NGEF: variants seen among roughly 807,000 people sequenced by gnomAD.
The protein encoded by NGEF is neuronal guanine nucleotide exchange factor, also known as ephexin-1.
NGEF carries 31 observed loss-of-function variants against 80.9 expected under a neutral mutation model. The observed-to-expected ratio is 0.38, with a 90% confidence interval of 0.29 to 0.52. NGEF has a LOEUF of 0.52. Among genes scored for constraint, NGEF ranks in the 20% least tolerant of loss-of-function variants. The pLI is 0.84. For synonymous variants in NGEF, 371 were observed against 370.2 expected, an observed-to-expected ratio of 1.00 and a Z score of -0.03; for missense variants, 709 against 926.2, an observed-to-expected ratio of 0.77 and a Z score of 3.04.
At chr2:232,960,841 G>A (rs890878256) in intron 3 of NGEF, among the ~76,000 whole-genome samples, 1 of 152,198 alleles carries the variant, frequency 6.6e-6, no homozygotes, top group African/African-American at 2.4e-5. Flanking sequence ...TCGCGCCACT[G>A]CACTCCAGCC....
intron 3 of NGEF, among the ~76,000 whole-genome samples, chr2:232,947,969 A>T (rs964023626): frequency 5.3e-5 from 8 of 152,224 alleles, no homozygotes; most frequent in Admixed American, 1.3e-4. Flanking sequence ...TATAGGGTAC[A>T]TGTGATATTT....
chr2:232,979,669 G>A (rs960064515), intron 1 of NGEF, among the ~76,000 whole-genome samples: 1 of 152,088 alleles, frequency 6.6e-6, no homozygotes, highest in African/African-American at 2.4e-5. Context: ...GGAGGGTGCA[G>A]CTCATGGTGC....
intron 1 of NGEF, among the ~76,000 whole-genome samples, chr2:232,992,644 C>T (rs1694673533): frequency 6.6e-6 from 1 of 151,860 alleles, no homozygotes; most frequent in Non-Finnish European, 1.5e-5. Context: ...GAATCTTGTA[C>T]CTAGAGTATA....
At chr2:232,890,707 C>G (rs1287786835) in intron 8 of NGEF, among the ~76,000 whole-genome samples, 1 of 152,162 alleles carries the variant, frequency 6.6e-6, no homozygotes, top group Non-Finnish European at 1.5e-5. Flanking sequence ...CTGCCGGGCC[C>G]CCACTCCCCG....
rs1450060630 is a variant in NGEF at position 232,883,478 on chromosome 2, G to A, written c.1602-12C>T. ...CCTGGTACTTGTCTCTGGAGATCAG[G>A]GAGAAGGGCAGGCGTGTCAGCCCCG... On this transcript the variant is annotated splice_polypyrimidine_tract_variant and intron_variant, in intron 11 of 14. Transcript: ENST00000264051. The A allele has an allele frequency of 6.3e-7, 1 of 1,578,586 alleles. No homozygotes were observed. Among genetic ancestry groups the A allele is most frequent in the Non-Finnish European group, 8.6e-7 (1 of 1,161,674 alleles).
chr2:232,985,436 G>A (rs1289107691), intron 1 of NGEF, among the ~76,000 whole-genome samples: 3 of 152,068 alleles, frequency 2.0e-5, no homozygotes, highest in African/African-American at 4.8e-5. Flanking sequence ...GGCCAAAAAG[G>A]CAAAACCCCA....
chr2:233,007,993 G>T (rs1460921069), intron 1 of NGEF, among the ~76,000 whole-genome samples: 1 of 152,180 alleles, frequency 6.6e-6, no homozygotes, highest in East Asian at 1.9e-4. Flanking sequence ...CAACGCTCAA[G>T]AATCCACCAA....
chr2:232,968,433 T>C (rs12473330), intron 3 of NGEF, among the ~76,000 whole-genome samples: 67,248 of 150,732 alleles, frequency 0.45, 15,446 homozygotes, highest in East Asian at 0.74. Context: ...TGAGACGGAG[T>C]CTCGCTCTGT....
intron 1 of NGEF, among the ~76,000 whole-genome samples, chr2:232,984,156 C>T (rs990660513): frequency 1.3e-5 from 2 of 152,224 alleles, no homozygotes; most frequent in African/African-American, 2.4e-5. Flanking sequence ...TCCATCATTG[C>T]TCACTGCAGC....
chr2:232,997,439 A>G (rs1694877089), intron 1 of NGEF, among the ~76,000 whole-genome samples: 2 of 152,082 alleles, frequency 1.3e-5, no homozygotes, highest in Admixed American at 1.3e-4. Context: ...CTCTGCAGTG[A>G]AACTGTCAAA....
At chr2:233,007,013 G>A (rs1448175057) in intron 1 of NGEF, among the ~76,000 whole-genome samples, 1 of 152,182 alleles carries the variant, frequency 6.6e-6, no homozygotes, top group African/African-American at 2.4e-5. Flanking sequence ...GGGGCCTGAG[G>A]CGGGCTGATC....
chr2:232,923,311 C>G (rs1257820088), intron 4 of NGEF, among the ~76,000 whole-genome samples: 1 of 152,102 alleles, frequency 6.6e-6, no homozygotes, highest in African/African-American at 2.4e-5. Context: ...TGAAGTCACC[C>G]CATGGCAGAC....
At chr2:232,977,339 A>G (rs6718592) in intron 1 of NGEF, among the ~76,000 whole-genome samples, 89,030 of 151,898 alleles carry the variant, frequency 0.59, 27,309 homozygotes, top group African/African-American at 0.73. Flanking sequence ...TGAGACCCAG[A>G]GACAATGATG....
Position 232,993,121 on chromosome 2 carries a change from AT to A in NGEF, c.-74-18158del, listed in dbSNP as rs1232323945. 1.0e-3 allele frequency among the ~76,000 whole-genome samples: 47 copies of A among 46,680 alleles called. 2 individuals carry two copies. Among genetic ancestry groups the A allele is most frequent in the Non-Finnish European group, 1.1e-4 (3 of 26,356 alleles). 30.6% of individuals were successfully genotyped at this position (46,680 alleles called of 152,430 possible). On this transcript the variant is annotated intron_variant, in intron 1 of 14. Coordinates refer to ENST00000264051, the MANE Select transcript of NGEF (RefSeq NM_019850.3). ...TAAATAAATAAATATATATATATAA[AT>A]AAATATATATTTATTTATATATATA...
intron 12 of NGEF, 93 bp downstream of exon 12, chr2:232,883,218 G>A: frequency 7.0e-7 from 1 of 1,433,578 alleles, no homozygotes; most frequent in Non-Finnish European, 9.4e-7. Context: ...CGTGTGTGGT[G>A]CCTTGTTCCA....
At chr2:232,905,001 G>A (rs1692458602) in intron 5 of NGEF, among the ~76,000 whole-genome samples, 1 of 152,086 alleles carries the variant, frequency 6.6e-6, no homozygotes, top group South Asian at 2.1e-4. Context: ...GTCCTATGCA[G>A]GAACTCTTTC....
chr2:232,930,482 G>A (rs1308599301), intron 3 of NGEF, among the ~76,000 whole-genome samples: 1 of 152,070 alleles, frequency 6.6e-6, no homozygotes, highest in African/African-American at 2.4e-5. Flanking sequence ...ACCACGCCTG[G>A]CTAATTTTTG....
intron 5 of NGEF, among the ~76,000 whole-genome samples, chr2:232,909,402 A>G (rs912837376): frequency 6.7e-6 from 1 of 149,238 alleles, no homozygotes; most frequent in Non-Finnish European, 1.5e-5. Flanking sequence ...CATTTAATCT[A>G]TCTCCAGATT....
intron 8 of NGEF, 137 bp downstream of exon 8, chr2:232,891,221 G>C: frequency 8.4e-7 from 1 of 1,193,286 alleles, no homozygotes; most frequent in Non-Finnish European, 1.2e-6. Flanking sequence ...TCACTGCCCA[G>C]GAACGTGCTT....
Sources: gnomAD v4.1 joint callset for allele counts (sites outside exome capture counted in the v4.1 genomes callset) on GRCh38, gnomAD v4.1.1 for gene constraint, MANE v1.5 for transcripts, NCBI Gene and HGNC (gene_info 2026-07-23, HGNC 2026-07-21) for gene names.